Variants in GPR141 observed in about 807,000 individuals in gnomAD.
The protein encoded by GPR141 is probable G protein-coupled receptor 141.
A neutral mutation model predicts 6.8 loss-of-function variants in GPR141; 6 were observed. That is an observed-to-expected ratio of 0.88 (90% CI 0.48 to 1.74). GPR141 has a LOEUF of 1.74. GPR141 is among the 40% of genes most tolerant of loss of function. The pLI, the probability that GPR141 is intolerant of heterozygous loss-of-function variation, is 0.01. For synonymous variants in GPR141, 140 were observed against 142.3 expected (o/e 0.98, Z 0.11); for missense variants, 372 against 372.9 (o/e 1.00, Z 0.02).
Position 37,732,146 on chromosome 7 carries a change from T to C in GPR141, c.-14-8234T>C, listed in dbSNP as rs13224574. On this transcript the variant is annotated intron_variant, in intron 2 of 2. Coordinates refer to ENST00000334425, the MANE Select transcript of GPR141 (RefSeq NM_001381946.1). Reference sequence around the variant, plus strand: ...CTTCTCCTTTTCTTTCTCTCTCTCTTTTTTTTTTTTTTTTTGAGATGGAGT... The same window carrying C: ...CTTCTCCTTTTCTTTCTCTCTCTCTCTTTTTTTTTTTTTTTGAGATGGAGT... Among the ~76,000 whole-genome samples, 828 of 126,984 alleles carry C rather than the reference T, an allele frequency of 6.5e-3. 6 individuals carry two copies. The highest frequency in any genetic ancestry group is 0.028 in the African/African-American group (773 of 27,902). The allele number at this position is 126,984 out of a possible 152,430, so 83.3% of individuals were successfully genotyped here.
intron 2 of GPR141, among the ~76,000 whole-genome samples, chr7:37,737,415 T>G (rs1437968600): frequency 6.6e-6 from 1 of 152,202 alleles, no homozygotes; most frequent in Non-Finnish European, 1.5e-5. Flanking sequence ...AGGATTCTAT[T>G]ACAGCAGTCC....
intron 2 of GPR141, among the ~76,000 whole-genome samples, chr7:37,723,911 A>G (rs1394705806): frequency 6.6e-6 from 1 of 152,262 alleles, no homozygotes; most frequent in Non-Finnish European, 1.5e-5. Context: ...GGACATTCAC[A>G]AAGATCAGAA....
chr7:37,695,570 G>A (rs1809978088), intron 2 of GPR141, among the ~76,000 whole-genome samples: 2 of 152,204 alleles, frequency 1.3e-5, no homozygotes, highest in Admixed American at 1.3e-4. Flanking sequence ...GGGATGGGAT[G>A]TAGGAGTCCT....
At chr7:37,687,483 C>G (rs1809562552) in intron 2 of GPR141, among the ~76,000 whole-genome samples, 1 of 152,056 alleles carries the variant, frequency 6.6e-6, no homozygotes. Context: ...ATACAGTGAG[C>G]CTGTGCAGTA....
intron 2 of GPR141, among the ~76,000 whole-genome samples, chr7:37,739,052 ATTT>A (rs932497303): frequency 1.3e-5 from 2 of 152,098 alleles, no homozygotes; most frequent in Admixed American, 6.6e-5. Context: ...ACAGAGTAAG[ATTT>A]TTTTCACACC....
Position 37,732,663 on chromosome 7 carries a change from C to T in GPR141, c.-14-7717C>T, listed in dbSNP as rs999327846. On this transcript the variant is annotated intron_variant, in intron 2 of 2. Transcript: ENST00000334425. Reference sequence around the variant, plus strand: ...ATCATGGAACTTGACCTCAAGGTTACACTATAGGAACAATAAATAGGTTAT... The same window carrying T: ...ATCATGGAACTTGACCTCAAGGTTATACTATAGGAACAATAAATAGGTTAT... 2.0e-5 allele frequency among the ~76,000 whole-genome samples: 3 copies of T among 152,108 alleles called. No homozygotes were observed. The South Asian group carries it at 6.2e-4, about 31-fold the overall frequency.
chr7:37,701,868 A>T (rs1159777441), intron 2 of GPR141, among the ~76,000 whole-genome samples: 2 of 152,248 alleles, frequency 1.3e-5, no homozygotes, highest in African/African-American at 4.8e-5. Context: ...CTCGAAAATC[A>T]TTAGGTAAAT....
chr7:37,686,647 T>G (rs1051225815), intron 2 of GPR141, among the ~76,000 whole-genome samples: 9 of 152,028 alleles, frequency 5.9e-5, no homozygotes, highest in African/African-American at 7.3e-5. Flanking sequence ...ATGATGAAGG[T>G]ATTATCATGG....
In GPR141 at chr7:37,743,796, C is replaced by A. The variant is rs889385266; in HGVS notation, c.*2485C>A. Among the ~76,000 whole-genome samples, 1 of 151,928 alleles carries A rather than the reference C, an allele frequency of 6.6e-6. No individual in the cohort carries two copies. Among genetic ancestry groups the A allele is most frequent in the Admixed American group, 6.6e-5 (1 of 15,250 alleles). ...TGCAATATTTCATAATATAAAATAT[C>A]TTTTTCATCAGTATTTATGGAATAA... On this transcript the variant is annotated 3_prime_UTR_variant, in exon 3 of 3. Transcript: ENST00000334425.
intron 2 of GPR141, among the ~76,000 whole-genome samples, chr7:37,728,691 C>T (rs1302879786): frequency 6.6e-6 from 1 of 151,620 alleles, no homozygotes. Context: ...TGATAAGATA[C>T]AAGGGAATAG....
intron 2 of GPR141, 99 bp downstream of exon 2, chr7:37,685,682 C>T (rs1213858480): frequency 6.7e-6 from 1 of 149,798 alleles, no homozygotes; most frequent in East Asian, 2.0e-4. Context: ...CTCCTGGGCA[C>T]AAGTGATCCT....
chr7:37,711,591 C>A (rs1655202672), intron 2 of GPR141, among the ~76,000 whole-genome samples: 1 of 152,188 alleles, frequency 6.6e-6, no homozygotes, highest in Non-Finnish European at 1.5e-5. Context: ...TTTTAAAAAT[C>A]AAATCCTTAA....
At chr7:37,729,635 G>A (rs1283213828) in intron 2 of GPR141, among the ~76,000 whole-genome samples, 1 of 152,236 alleles carries the variant, frequency 6.6e-6, no homozygotes, top group African/African-American at 2.4e-5. Context: ...AAAGGCACCT[G>A]TAAAGCTTTT....
intron 2 of GPR141, among the ~76,000 whole-genome samples, chr7:37,710,099 A>G (rs556647563): frequency 2.0e-5 from 3 of 152,320 alleles, no homozygotes; most frequent in South Asian, 2.1e-4. Flanking sequence ...CCCACAGGCA[A>G]CATTTCCTTT....
At chr7:37,713,500 T>G (rs1810907400) in intron 2 of GPR141, 1 of 152,198 alleles carries the variant, frequency 6.6e-6, no homozygotes, top group African/African-American at 2.4e-5. Context: ...TAAAACACTT[T>G]AGTCAATGTA....
intron 2 of GPR141, among the ~76,000 whole-genome samples, chr7:37,693,694 G>A (rs1215170610): frequency 6.6e-6 from 1 of 152,146 alleles, no homozygotes; most frequent in Non-Finnish European, 1.5e-5. Context: ...CCCTGGGGGA[G>A]CATGAAGCAG....
At chr7:37,705,654 T>C (rs1810492951) in intron 2 of GPR141, among the ~76,000 whole-genome samples, 1 of 152,300 alleles carries the variant, frequency 6.6e-6, no homozygotes, top group South Asian at 2.1e-4. Context: ...AGGGAAAAGA[T>C]ACCAAAGCCT....
At chr7:37,693,429 G>A (rs1210703584) in intron 2 of GPR141, among the ~76,000 whole-genome samples, 1 of 152,150 alleles carries the variant, frequency 6.6e-6, no homozygotes, top group Non-Finnish European at 1.5e-5. Context: ...TTTGAAGTCA[G>A]GTAGCATGAT....
At chr7:37,707,431 A>G (rs1810574633) in intron 2 of GPR141, among the ~76,000 whole-genome samples, 1 of 152,144 alleles carries the variant, frequency 6.6e-6, no homozygotes. Flanking sequence ...TGGCATTATA[A>G]TTTATGAAGG....
Sources: gnomAD v4.1 joint callset for allele counts (sites outside exome capture counted in the v4.1 genomes callset) on GRCh38, gnomAD v4.1.1 for gene constraint, MANE v1.5 for transcripts, NCBI Gene and HGNC (gene_info 2026-07-23, HGNC 2026-07-21) for gene names.